NPAS3: variants seen among roughly 807,000 people sequenced by gnomAD.
NPAS3 encodes the protein neuronal PAS domain protein 3, also known as neuronal PAS domain-containing protein 3.
In NPAS3, 14 loss-of-function variants were observed where a neutral mutation model predicts 73.1. The ratio of observed to expected loss-of-function variants is 0.19; its 90% CI spans 0.13 to 0.30. The LOEUF (loss-of-function observed/expected upper bound fraction) is 0.30, where lower values mean the gene tolerates loss of function less well. Ranked by LOEUF, NPAS3 falls within the 10% of genes least tolerant of loss-of-function variation. NPAS3 has a pLI of 1.00. For missense variants in NPAS3, 1,096 were observed against 1,250.0 expected, an observed-to-expected ratio of 0.88 and a Z score of 1.86; for synonymous variants, 620 against 541.5, an observed-to-expected ratio of 1.14 and a Z score of -2.01.
intron 3 of NPAS3, among the ~76,000 whole-genome samples, chr14:33,232,089 C>G (rs1189126641): frequency 6.6e-6 from 1 of 152,126 alleles, no homozygotes; most frequent in Admixed American, 6.6e-5. Flanking sequence ...CAGAACCCCC[C>G]AAAATAGATT....
intron 2 of NPAS3, among the ~76,000 whole-genome samples, chr14:33,078,130 CTG>C (rs1183918550): frequency 6.6e-6 from 1 of 151,422 alleles, no homozygotes; most frequent in Non-Finnish European, 1.5e-5. Flanking sequence ...CAGAGCAAGA[CTG>C]TTTCCAAAAA....
In NPAS3 at chr14:33,573,009, G is replaced by A. The variant is rs545093355; in HGVS notation, c.558+12799G>A. 4.8e-5 allele frequency among the ~76,000 whole-genome samples: 6 copies of A among 124,876 alleles called. No individual in the cohort carries two copies. The South Asian group carries it at 1.2e-3, about 25-fold the overall frequency. 81.9% of individuals were successfully genotyped at this position (124,876 alleles called of 152,430 possible). On this transcript the variant is annotated intron_variant, in intron 5 of 11. Coordinates refer to ENST00000356141, the Ensembl canonical transcript of NPAS3. ...CTGCACTCCAGCCTGGAGACAGAGTGAGACTTCTTCTCAAAAAAAAAAAAA... is the reference window on the plus strand; with the variant it reads ...CTGCACTCCAGCCTGGAGACAGAGTAAGACTTCTTCTCAAAAAAAAAAAAA...
intron 3 of NPAS3, among the ~76,000 whole-genome samples, chr14:33,364,731 G>A (rs751145101): frequency 2.0e-4 from 31 of 152,016 alleles, no homozygotes; most frequent in African/African-American, 6.8e-4. Context: ...GAGAAACAGC[G>A]GGAAAAGAAA....
chr14:33,689,021 G>A (rs558982425), intron 6 of NPAS3, among the ~76,000 whole-genome samples: 1 of 152,326 alleles, frequency 6.6e-6, no homozygotes, highest in Admixed American at 6.5e-5. Context: ...GAGAGTTACT[G>A]TATGTGAAGA....
chr14:33,120,113 A>C (rs2043187453), intron 2 of NPAS3, among the ~76,000 whole-genome samples: 1 of 151,968 alleles, frequency 6.6e-6, no homozygotes, highest in Non-Finnish European at 1.5e-5. Flanking sequence ...GGCACCCGCC[A>C]CCAGGCTGGG....
At chr14:33,416,198 C>T (rs1021005689) in intron 4 of NPAS3, among the ~76,000 whole-genome samples, 30 of 151,948 alleles carry the variant, frequency 2.0e-4, no homozygotes, top group Admixed American at 1.6e-3. Flanking sequence ...GCACAATTTA[C>T]GTTGAACATA....
chr14:33,487,181 A>G (rs1453832570), intron 4 of NPAS3, among the ~76,000 whole-genome samples: 1 of 152,192 alleles, frequency 6.6e-6, no homozygotes, highest in Non-Finnish European at 1.5e-5. Flanking sequence ...TTCAAAAATA[A>G]AGATGCTTAT....
intron 2 of NPAS3, among the ~76,000 whole-genome samples, chr14:33,172,548 C>A (rs1188657796): frequency 6.6e-6 from 1 of 152,084 alleles, no homozygotes; most frequent in African/African-American, 2.4e-5. Context: ...CTATCCTGGG[C>A]AACATGGTGA....
chr14:33,207,402 T>C (rs2046871070), intron 2 of NPAS3, among the ~76,000 whole-genome samples: 1 of 152,106 alleles, frequency 6.6e-6, no homozygotes, highest in South Asian at 2.1e-4. Flanking sequence ...TGTTCACCCA[T>C]CTCTGAGTGT....
chr14:33,469,234 A>G (rs1043764275), intron 4 of NPAS3, among the ~76,000 whole-genome samples: 5 of 152,074 alleles, frequency 3.3e-5, no homozygotes, highest in African/African-American at 1.2e-4. Flanking sequence ...TCCATACAGG[A>G]TAAAGGTGAT....
At chr14:33,025,642 TG>T (rs1376926543) in intron 1 of NPAS3, among the ~76,000 whole-genome samples, 1 of 152,154 alleles carries the variant, frequency 6.6e-6, no homozygotes, top group Non-Finnish European at 1.5e-5. Flanking sequence ...GATTGGATCA[TG>T]GGGGTAGATT....
At chr14:33,736,356 C>A (rs1277711910) in intron 7 of NPAS3, among the ~76,000 whole-genome samples, 2 of 152,150 alleles carry the variant, frequency 1.3e-5, no homozygotes, top group Admixed American at 6.6e-5. Context: ...GGTGGGAAAG[C>A]AGATCCTTCC....
chr14:33,042,540 G>A (rs2040378673), intron 1 of NPAS3, among the ~76,000 whole-genome samples: 1 of 152,158 alleles, frequency 6.6e-6, no homozygotes, highest in Non-Finnish European at 1.5e-5. Context: ...AAATATCAAT[G>A]CAATTGAGGC....
At chr14:33,777,951 T>A (rs187940885) in intron 8 of NPAS3, among the ~76,000 whole-genome samples, 4 of 152,352 alleles carry the variant, frequency 2.6e-5, no homozygotes, top group Admixed American at 2.6e-4. Context: ...GGCATCTGTA[T>A]GTCTCAGCAT....
intron 1 of NPAS3, among the ~76,000 whole-genome samples, chr14:32,988,668 C>T (rs1403618832): frequency 6.6e-6 from 1 of 152,236 alleles, no homozygotes; most frequent in South Asian, 2.1e-4. Flanking sequence ...GTCTCACTAG[C>T]CACAGTGGCA....
At chr14:32,958,425 C>G (rs2036770524) in intron 1 of NPAS3, among the ~76,000 whole-genome samples, 1 of 152,198 alleles carries the variant, frequency 6.6e-6, no homozygotes, top group African/African-American at 2.4e-5. Context: ...CTGATCACTC[C>G]TTTCTTTTTG....
intron 1 of NPAS3, among the ~76,000 whole-genome samples, chr14:32,960,375 A>G (rs1027594153): frequency 2.6e-5 from 4 of 152,156 alleles, no homozygotes; most frequent in African/African-American, 7.2e-5. Flanking sequence ...AGTAAAAATA[A>G]AATCAGATTT....
intron 1 of NPAS3, among the ~76,000 whole-genome samples, chr14:33,022,449 G>A (rs1221774777): frequency 1.3e-5 from 2 of 152,092 alleles, no homozygotes; most frequent in Non-Finnish European, 2.9e-5. Context: ...CGGATCACGA[G>A]GTCAGGAGAT....
At chr14:33,047,622 G>A (rs768135699) in intron 1 of NPAS3, among the ~76,000 whole-genome samples, 3 of 152,222 alleles carry the variant, frequency 2.0e-5, no homozygotes, top group Non-Finnish European at 4.4e-5. Context: ...ATGTAGACAA[G>A]CCTAGTAGAT....
Sources: allele counts gnomAD v4.1 joint callset (sites outside exome capture counted in the v4.1 genomes callset), GRCh38; gene constraint gnomAD v4.1.1; transcripts MANE v1.5; gene names NCBI Gene and HGNC (gene_info 2026-07-23, HGNC 2026-07-21).